GABRA3: variants seen among roughly 807,000 people sequenced by gnomAD.
The protein encoded by GABRA3 is gamma-aminobutyric acid receptor subunit alpha-3.
Under a neutral mutation model 30.1 loss-of-function variants are expected in GABRA3, and 10 were observed. The ratio of observed to expected loss-of-function variants is 0.33; its 90% CI spans 0.20 to 0.56. The LOEUF (loss-of-function observed/expected upper bound fraction) is 0.56, where lower values mean the gene tolerates loss of function less well. GABRA3 is among the 20% of genes least tolerant of loss of function. The probability of loss-of-function intolerance (pLI) is 0.89; values close to 1 mark genes in which losing one functional copy is unlikely to be tolerated. For synonymous variants in GABRA3, 151 were observed against 146.8 expected, an observed-to-expected ratio of 1.03 and a Z score of -0.21; for missense variants, 233 against 392.0, an observed-to-expected ratio of 0.59 and a Z score of 3.42.
At chrX:152,241,551 C>T (rs1219709391) in intron 5 of GABRA3, among the ~76,000 whole-genome samples, 1 of 108,886 alleles carries the variant, frequency 9.2e-6, no homozygotes, top group Non-Finnish European at 1.9e-5. Flanking sequence ...AGCTTCCCGG[C>T]TGCTTTGTTT....
At chrX:152,345,975 A>C (rs769314103) in intron 2 of GABRA3, among the ~76,000 whole-genome samples, 1 of 111,708 alleles carries the variant, frequency 9.0e-6, no homozygotes, top group African/African-American at 3.2e-5. Context: ...AAGAGACACA[A>C]GTAGAAATTC....
At chrX:152,203,944 GC>G (rs1298905538) in intron 7 of GABRA3, among the ~76,000 whole-genome samples, 1 of 111,769 alleles carries the variant, frequency 8.9e-6, no homozygotes, top group Non-Finnish European at 1.9e-5. Flanking sequence ...TCTTTGGGGG[GC>G]CGCTATTCTC....
chrX:152,170,016 C>T (rs1936983258), intron 9 of GABRA3, among the ~76,000 whole-genome samples: 1 of 111,942 alleles, frequency 8.9e-6, no homozygotes, highest in Non-Finnish European at 1.9e-5. Context: ...TTACTGAATG[C>T]GTACTGGGCC....
rs763969650 is a variant in GABRA3 at position 152,292,525 on chromosome X, A to AT, written c.263-7791dup. ...CCTGGATTCACTGATTTTTTAAAGGATTTTTTTTGTGTCTCTAGCTCCTTC... is the reference window on the plus strand; with the variant it reads ...CCTGGATTCACTGATTTTTTAAAGGATTTTTTTTTGTGTCTCTAGCTCCTTC... On this transcript the variant is annotated intron_variant, in intron 3 of 9. Transcript: ENST00000370314. Among the ~76,000 whole-genome samples the AT allele has an allele frequency of 1.0e-4, 11 of 110,227 alleles. No individual in the cohort carries two copies. The East Asian group carries it at 1.4e-3, about 14-fold the overall frequency.
chrX:152,298,184 G>T (rs1367669346), intron 3 of GABRA3, among the ~76,000 whole-genome samples: 1 of 112,040 alleles, frequency 8.9e-6, no homozygotes, highest in Non-Finnish European at 1.9e-5. Flanking sequence ...GGTTGGGTTA[G>T]TCCTGGCTCT....
chrX:152,398,535 T>C (rs2124520680), intron 1 of GABRA3, among the ~76,000 whole-genome samples: 1 of 111,197 alleles, frequency 9.0e-6, no homozygotes, highest in Non-Finnish European at 1.9e-5. Flanking sequence ...TCTAACAACC[T>C]GAGGCTCTTA....
chrX:152,331,047 A>T (rs1569399319), intron 3 of GABRA3, among the ~76,000 whole-genome samples: 1 of 110,148 alleles, frequency 9.1e-6, no homozygotes, highest in Non-Finnish European at 1.9e-5. Context: ...AGTTTGAGGA[A>T]TGTTGACTGA....
chrX:152,369,384 T>G (rs1032162864), intron 1 of GABRA3, among the ~76,000 whole-genome samples: 3 of 109,860 alleles, frequency 2.7e-5, no homozygotes, highest in African/African-American at 3.3e-5. Flanking sequence ...AATAAATATA[T>G]GATCTACAAG....
At chrX:152,365,083 C>A (rs982368724) in intron 1 of GABRA3, among the ~76,000 whole-genome samples, 1 of 111,547 alleles carries the variant, frequency 9.0e-6, no homozygotes, top group East Asian at 2.8e-4. Flanking sequence ...TGTGTAATAT[C>A]GTAGAGAATC....
chrX:152,438,601 G>T (rs1284374941), intron 1 of GABRA3, among the ~76,000 whole-genome samples: 1 of 112,262 alleles, frequency 8.9e-6, no homozygotes, highest in Non-Finnish European at 1.9e-5. Context: ...CTGTGGTACA[G>T]CCTATGTGTC....
intron 9 of GABRA3, 34 bp from the exon 10 acceptor site, chrX:152,168,597 G>C: frequency 3.8e-6 from 4 of 1,042,526 alleles, no homozygotes; most frequent in Non-Finnish European, 5.3e-6. Context: ...GGGAAAGGGA[G>C]AAAAAAGCAA....
chrX:152,207,906 G>C, intron 7 of GABRA3, 95 bp downstream of exon 7: 1 of 801,940 alleles, frequency 1.2e-6, no homozygotes, highest in South Asian at 2.8e-5. Context: ...TCACAACATT[G>C]TTTTGAAGAT....
chrX:152,418,274 G>A (rs1210757684), intron 1 of GABRA3, among the ~76,000 whole-genome samples: 1 of 111,381 alleles, frequency 9.0e-6, no homozygotes, highest in Non-Finnish European at 1.9e-5. Context: ...AAAATTTACT[G>A]TTGAATGGGC....
intron 7 of GABRA3, among the ~76,000 whole-genome samples, chrX:152,200,010 T>C (rs1444115017): frequency 8.9e-6 from 1 of 111,899 alleles, no homozygotes; most frequent in Non-Finnish European, 1.9e-5. Context: ...TTCTAACTGG[T>C]CTCCTTGCTC....
chrX:152,339,010 G>A (rs929004163), intron 3 of GABRA3, among the ~76,000 whole-genome samples: 2 of 110,547 alleles, frequency 1.8e-5, no homozygotes, highest in African/African-American at 3.3e-5. Context: ...TGGCTATTTG[G>A]GGTCTCTTGT....
intron 5 of GABRA3, among the ~76,000 whole-genome samples, chrX:152,240,983 C>G (rs1355578416): frequency 9.5e-6 from 1 of 105,435 alleles, no homozygotes; most frequent in Non-Finnish European, 1.9e-5. Flanking sequence ...CTGAAGCCTT[C>G]TTCTCTCAGC....
At chrX:152,208,317 A>G (rs1273324682) in intron 6 of GABRA3, among the ~76,000 whole-genome samples, 173 bp from the exon 7 acceptor site, 1 of 112,258 alleles carries the variant, frequency 8.9e-6, no homozygotes, top group African/African-American at 3.2e-5. Flanking sequence ...CCATCCATAC[A>G]ATAAACTCTC....
rs960896382 is a variant in GABRA3 at position 152,257,164 on chromosome X, G to A, written c.331-1166C>T. 4.8e-4 allele frequency among the ~76,000 whole-genome samples: 54 copies of A among 111,988 alleles called. 1 individual carries two copies. Among genetic ancestry groups the A allele is most frequent in the Middle Eastern group, 4.2e-3 (1 of 238 alleles). ...TGGGTGATGTTTGTGAATTTGCTAC[G>A]ATTTAGACTGAAGGAATTCCTTAAT... On this transcript the variant is annotated intron_variant, in intron 4 of 9. Coordinates refer to ENST00000370314, the MANE Select transcript of GABRA3 (RefSeq NM_000808.4).
chrX:152,307,726 C>T (rs963595412), intron 3 of GABRA3, among the ~76,000 whole-genome samples: 2 of 111,528 alleles, frequency 1.8e-5, no homozygotes, highest in African/African-American at 6.5e-5. Flanking sequence ...CACAGGGTTA[C>T]TGAGCACCAG....
Sources: allele counts gnomAD v4.1 joint callset (sites outside exome capture counted in the v4.1 genomes callset), GRCh38; gene constraint gnomAD v4.1.1; transcripts MANE v1.5; gene names NCBI Gene and HGNC (gene_info 2026-07-23, HGNC 2026-07-21).